BMPR2: variants seen among roughly 807,000 people sequenced by gnomAD.
The protein encoded by BMPR2 is bone morphogenetic protein receptor type 2.
In BMPR2, 29 loss-of-function variants were observed where a neutral mutation model predicts 100.8. The ratio of observed to expected loss-of-function variants is 0.29; its 90% CI spans 0.21 to 0.39. BMPR2 has a LOEUF of 0.39. Ranked by LOEUF, BMPR2 falls within the 10% of genes least tolerant of loss-of-function variation. The pLI is 1.00. For synonymous variants in BMPR2, 382 were observed against 442.3 expected (o/e 0.86, Z 1.71); for missense variants, 1,011 against 1,274.5 (o/e 0.79, Z 3.15).
chr2:202,520,445 C>G, intron 7 of BMPR2: 1 of 535,604 alleles, frequency 1.9e-6, no homozygotes, highest in Non-Finnish European at 3.3e-6. Flanking sequence ...TCCTGGGCTA[C>G]CTGGAGGCTA....
At position 202,396,505 on chromosome 2, in the gene BMPR2, A is replaced by G. The variant is rs543450404; in HGVS notation, c.76+18955A>G. Among the ~76,000 whole-genome samples, 280 of 152,282 alleles carry G rather than the reference A, an allele frequency of 1.8e-3. 1 individual carries two copies. Among genetic ancestry groups the G allele is most frequent in the Non-Finnish European group, 3.0e-3 (206 of 68,020 alleles). ...TGCATTTACCAGGTAGATTCTTCTCACTATTTTTATTCTTGATAGCTGGGG... is the reference window on the plus strand; with the variant it reads ...TGCATTTACCAGGTAGATTCTTCTCGCTATTTTTATTCTTGATAGCTGGGG... On this transcript the variant is annotated intron_variant, in intron 1 of 12. Transcript: ENST00000374580.
chr2:202,473,994 G>C (rs773707007), intron 3 of BMPR2, among the ~76,000 whole-genome samples: 2 of 145,450 alleles, frequency 1.4e-5, no homozygotes, highest in African/African-American at 2.6e-5. Context: ...AGTCCCAGCT[G>C]TTCGGGAGGC....
At chr2:202,408,251 A>G (rs1574432467) in intron 1 of BMPR2, among the ~76,000 whole-genome samples, 1 of 152,238 alleles carries the variant, frequency 6.6e-6, no homozygotes, top group African/African-American at 2.4e-5. Context: ...CTAAAAGACT[A>G]TTCTTCTATG....
chr2:202,455,224 T>C (rs1173144025), intron 1 of BMPR2, among the ~76,000 whole-genome samples: 1 of 152,156 alleles, frequency 6.6e-6, no homozygotes, highest in Non-Finnish European at 1.5e-5. Context: ...AGTTCCTCAG[T>C]CACACTAACC....
chr2:202,543,575 C>G (rs891362729), intron 10 of BMPR2, among the ~76,000 whole-genome samples: 21 of 151,880 alleles, frequency 1.4e-4, no homozygotes, highest in African/African-American at 5.1e-4. Flanking sequence ...AAGGAAAAAA[C>G]TACCTCTCCC....
chr2:202,430,693 A>G (rs1691484892), intron 1 of BMPR2, among the ~76,000 whole-genome samples: 1 of 151,936 alleles, frequency 6.6e-6, no homozygotes. Flanking sequence ...GGCGCGGTGG[A>G]TCACACCTGT....
chr2:202,451,128 G>A (rs1691970051), intron 1 of BMPR2, among the ~76,000 whole-genome samples: 1 of 152,106 alleles, frequency 6.6e-6, no homozygotes, highest in East Asian at 1.9e-4. Flanking sequence ...AAAAATGGGT[G>A]TTATGTGACT....
At chr2:202,414,191 A>G (rs1691076237) in intron 1 of BMPR2, among the ~76,000 whole-genome samples, 1 of 152,156 alleles carries the variant, frequency 6.6e-6, no homozygotes, top group South Asian at 2.1e-4. Flanking sequence ...CATTTTAATT[A>G]TTACATTTGT....
chr2:202,555,780 C>T lies in BMPR2; in HGVS notation c.2115C>T (p.Ser705=), dbSNP rs1442412593. 6.2e-7 allele frequency: 1 copy of T among 1,613,984 alleles called. No homozygotes were observed. The highest frequency in any genetic ancestry group is 8.5e-7 in the Non-Finnish European group (1 of 1,180,052). Residue 705 remains serine (S), a synonymous_variant, in exon 12 of 13, where the codon AGC becomes AGT. Coordinates refer to ENST00000374580, the MANE Select transcript of BMPR2 (RefSeq NM_001204.7). ...ACCCACTGAGCAGTACTAGTTCTAG[C>T]TTGCTTTACCCACTCATAAAACTTG... The part of the protein sequence containing the change: ...GPDPLSSTSS[S]LLYPLIKLAV...
At chr2:202,390,177 T>A (rs577083287) in intron 1 of BMPR2, among the ~76,000 whole-genome samples, 2 of 152,218 alleles carry the variant, frequency 1.3e-5, no homozygotes, top group African/African-American at 4.8e-5. Context: ...GTACATAAAG[T>A]TTTGTGATTA....
chr2:202,416,427 A>ATT (rs57196325), intron 1 of BMPR2, among the ~76,000 whole-genome samples: 13,576 of 136,952 alleles, frequency 0.099, 887 homozygotes, highest in South Asian at 0.24. Flanking sequence ...CACCTGGATA[A>ATT]TTTTTTTTTT....
intron 1 of BMPR2, among the ~76,000 whole-genome samples, chr2:202,393,874 TGAGAGAGCGAGAGAGAGAGAGAGAGA>T (rs1559024305): frequency 5.2e-5 from 4 of 76,650 alleles, no homozygotes; most frequent in African/African-American, 2.0e-4. Context: ...ATTAAGGTAA[TGAGAGAGCGAGAGAGAGAGAGAGAGA>T]GAGAGAGAGA....
At chr2:202,451,945 G>A (rs540097843) in intron 1 of BMPR2, among the ~76,000 whole-genome samples, 37 of 152,052 alleles carry the variant, frequency 2.4e-4, no homozygotes, top group Middle Eastern at 3.4e-3. Flanking sequence ...GTAGAGATGC[G>A]GTTTCTCCAT....
intron 9 of BMPR2, among the ~76,000 whole-genome samples, chr2:202,538,103 C>T (rs1688197914): frequency 6.6e-6 from 1 of 151,422 alleles, no homozygotes; most frequent in South Asian, 2.1e-4. Context: ...GCCTGGGTGA[C>T]AGAACGAGAC....
intron 11 of BMPR2, among the ~76,000 whole-genome samples, chr2:202,553,276 C>T (rs1688512853): frequency 6.6e-6 from 1 of 151,792 alleles, no homozygotes; most frequent in Non-Finnish European, 1.5e-5. Context: ...GTAAATGGAA[C>T]TATGAACTTG....
At chr2:202,397,353 A>G (rs1420095836) in intron 1 of BMPR2, among the ~76,000 whole-genome samples, 2 of 152,226 alleles carry the variant, frequency 1.3e-5, no homozygotes, top group East Asian at 1.9e-4. Flanking sequence ...GAAGTTAACT[A>G]TCAATTAATA....
chr2:202,414,967 G>A (rs1433112581), intron 1 of BMPR2, among the ~76,000 whole-genome samples: 1 of 151,816 alleles, frequency 6.6e-6, no homozygotes, highest in Non-Finnish European at 1.5e-5. Flanking sequence ...CTTGAACTCA[G>A]GTGATCCGCT....
At chr2:202,385,731 T>G (rs1050388915) in intron 1 of BMPR2, among the ~76,000 whole-genome samples, 1 of 11,604 alleles carries the variant, frequency 8.6e-5, no homozygotes, top group Non-Finnish European at 1.9e-4. Flanking sequence ...TTATATCTGT[T>G]TTTTTTACAT....
rs1489425747 is a variant in BMPR2 at position 202,562,578 on chromosome 2, G to A, written c.*2632G>A. The A allele has an allele frequency of 6.6e-6, 1 of 152,280 alleles. No homozygotes were observed. The highest frequency in any genetic ancestry group is 1.9e-4 in the East Asian group (1 of 5,206). The allele number at this position is 152,280 out of a possible 1,614,324, so 9.4% of individuals were successfully genotyped here. A position where few individuals can be genotyped will look rare whatever the true frequency, so the allele number is the denominator to read the frequency against. On this transcript the variant is annotated 3_prime_UTR_variant, in exon 13 of 13. Transcript: ENST00000374580. ...TGCTTCTTAAAGTTGACATTTAACT[G>A]CTATCACAAAGTTTTATATGTAGAA...
Sources: gnomAD v4.1 joint callset for allele counts (sites outside exome capture counted in the v4.1 genomes callset) on GRCh38, gnomAD v4.1.1 for gene constraint, MANE v1.5 for transcripts, NCBI Gene and HGNC (gene_info 2026-07-23, HGNC 2026-07-21) for gene names.